The following SLIT3 variants were observed in gnomAD, a reference collection of about 807,000 sequenced individuals.
The protein encoded by SLIT3 is slit guidance ligand 3, also known as slit homolog 3 protein.
A neutral mutation model predicts 184.0 loss-of-function variants in SLIT3; 68 were observed. That is an observed-to-expected ratio of 0.37 (90% CI 0.30 to 0.45). The LOEUF is 0.45. Ranked by LOEUF, SLIT3 falls within the 20% of genes least tolerant of loss-of-function variation. The pLI is 1.00. For synonymous variants in SLIT3, 831 were observed against 828.6 expected, an observed-to-expected ratio of 1.00 and a Z score of -0.05; for missense variants, 1,707 against 2,026.0, an observed-to-expected ratio of 0.84 and a Z score of 3.02.
intron 27 of SLIT3, among the ~76,000 whole-genome samples, chr5:168,699,165 G>T (rs543336475): frequency 2.6e-5 from 4 of 152,356 alleles, no homozygotes; most frequent in African/African-American, 7.2e-5. Flanking sequence ...GGCAGGAAAA[G>T]GAACTCTGCC....
intron 4 of SLIT3, among the ~76,000 whole-genome samples, chr5:169,048,086 A>G (rs780482449): frequency 1.3e-5 from 2 of 152,128 alleles, no homozygotes; most frequent in Admixed American, 6.5e-5. Flanking sequence ...CCAAACCTCA[A>G]TTTCTTTCTT....
intron 11 of SLIT3, among the ~76,000 whole-genome samples, chr5:168,787,958 C>T (rs1310701953): frequency 2.0e-5 from 3 of 151,212 alleles, no homozygotes; most frequent in Non-Finnish European, 2.9e-5. Flanking sequence ...TAGGCATCTA[C>T]TGCATGAATG....
At chr5:169,086,030 T>C (rs1178818647) in intron 4 of SLIT3, among the ~76,000 whole-genome samples, 1 of 152,126 alleles carries the variant, frequency 6.6e-6, no homozygotes, top group Admixed American at 6.5e-5. Context: ...TCCCTACAGC[T>C]AGCCTCCTCA....
intron 4 of SLIT3, among the ~76,000 whole-genome samples, chr5:169,055,820 AC>A (rs913005265): frequency 1.4e-4 from 21 of 149,242 alleles, no homozygotes; most frequent in Admixed American, 1.2e-3. Context: ...ACAGAGTGAA[AC>A]TCTGTCTCGG....
intron 35 of SLIT3, chr5:168,667,460 A>T (rs1433258489): frequency 6.6e-6 from 1 of 152,380 alleles, no homozygotes; most frequent in Non-Finnish European, 1.5e-5. Context: ...TCTGAATAAG[A>T]AGCAGGTGTT....
Position 168,673,254 on chromosome 5 carries a change from T to C in SLIT3, c.3764A>G (p.Asp1255Gly). The change falls in exon 33 of 36, where the codon GAC (aspartate) becomes GGC (glycine). Residue 1255 changes from aspartate (D) to glycine (G), a missense_variant. By Grantham distance (94) the Asp-to-Gly change is moderately conservative. Coordinates refer to ENST00000519560, the MANE Select transcript of SLIT3 (RefSeq NM_003062.4). ...TLNQTLNLVVDKGTPKSLGKL... is the reference protein window; with the variant it reads ...TLNQTLNLVVGKGTPKSLGKL... The stretch of plus-strand genomic sequence containing the variant: ...CCCCAGGCTCTTTGGAGTTCCTTTG[T>C]CCACTACTAGGTTCAGGGTCTGGTT... The C allele has an allele frequency of 6.2e-7, 1 of 1,614,120 alleles. No homozygotes were observed. Among genetic ancestry groups the C allele is most frequent in the Non-Finnish European group, 8.5e-7 (1 of 1,180,034 alleles).
chr5:168,825,558 C>T (rs7733222), intron 6 of SLIT3, among the ~76,000 whole-genome samples: 102,536 of 152,096 alleles, frequency 0.67, 36,389 homozygotes, highest in African/African-American at 0.91. Context: ...ATTGCCTGCT[C>T]CTGCCTACTT....
chr5:168,957,416 G>A (rs1458245578), intron 4 of SLIT3, among the ~76,000 whole-genome samples: 3 of 152,068 alleles, frequency 2.0e-5, no homozygotes, highest in East Asian at 1.9e-4. Flanking sequence ...GAAAGGCTTC[G>A]TGTTTCTGTG....
intron 4 of SLIT3, among the ~76,000 whole-genome samples, chr5:169,172,230 A>C (rs1762841871): frequency 6.6e-6 from 1 of 152,216 alleles, no homozygotes; most frequent in South Asian, 2.1e-4. Flanking sequence ...TCTTTGGTTC[A>C]TTTTGATCAC....
chr5:168,844,841 C>A, intron 5 of SLIT3, 186 bp from the exon 6 acceptor site: 1 of 569,436 alleles, frequency 1.8e-6, no homozygotes, highest in South Asian at 2.1e-5. Context: ...TCTGAGAGAA[C>A]TACACAGACG....
intron 4 of SLIT3, among the ~76,000 whole-genome samples, chr5:169,093,959 T>C (rs764862088): frequency 2.0e-5 from 3 of 152,220 alleles, no homozygotes; most frequent in Non-Finnish European, 4.4e-5. Flanking sequence ...TAATGTTTGT[T>C]AAGAGTATAC....
chr5:168,807,593 T>A (rs190581936), intron 8 of SLIT3, among the ~76,000 whole-genome samples: 60 of 152,284 alleles, frequency 3.9e-4, no homozygotes, highest in African/African-American at 8.9e-4. Flanking sequence ...TATTTCAATG[T>A]CTTTCCAGAT....
At chr5:168,851,322 C>CAA (rs531233116) in intron 5 of SLIT3, among the ~76,000 whole-genome samples, 869 of 77,154 alleles carry the variant, frequency 0.011, 20 homozygotes, top group African/African-American at 0.039. Flanking sequence ...GACTCCGTCT[C>CAA]AAAAAAAAAA....
rs779204933 is a variant in SLIT3, at chr5:168,795,559, T to A, written c.955A>T (p.Ile319Phe). 6.8e-6 allele frequency: 11 copies of A among 1,613,914 alleles called. 1 individual carries two copies. The highest frequency in any genetic ancestry group is 2.2e-5 in the East Asian group (1 of 44,862). ...IVEIRLEQNS[I>F]KAIPAGAFTQ... is the part of the protein sequence containing the mutation. ...AAGGCTCCTGCAGGGATGGCTTTGA[T>A]GGAGTTCTGTTCTAGGCGTCTGGGA... Residue 319 changes from isoleucine (I) to phenylalanine (F), a missense_variant, in exon 10 of 36, where the codon ATC becomes TTC. Physicochemically the swap from Ile to Phe is conservative, Grantham distance 21 (BLOSUM62 0). Around this residue, in one of 3 missense-constraint regions of SLIT3, gnomAD observed 1,307 missense variants for 1,511.6 expected, o/e 0.86. Coordinates refer to ENST00000519560, the MANE Select transcript of SLIT3 (RefSeq NM_003062.4).
intron 4 of SLIT3, among the ~76,000 whole-genome samples, chr5:169,179,278 T>C (rs1763075567): frequency 8.4e-6 from 1 of 118,446 alleles, no homozygotes; most frequent in African/African-American, 4.6e-5. Flanking sequence ...TCCTTTTTCT[T>C]TTTTTTTTTT....
At chr5:169,074,344 A>AAGTC (rs764392599) in intron 4 of SLIT3, among the ~76,000 whole-genome samples, 4 of 152,068 alleles carry the variant, frequency 2.6e-5, no homozygotes, top group Non-Finnish European at 5.9e-5. Flanking sequence ...TAAATCAGCT[A>AAGTC]AGTCAGATTC....
chr5:169,218,231 CATT>C (rs1581067221), intron 3 of SLIT3, among the ~76,000 whole-genome samples: 1 of 152,320 alleles, frequency 6.6e-6, no homozygotes, highest in East Asian at 1.9e-4. Context: ...GCTTAATCAT[CATT>C]ATCTCAGGAA....
At chr5:169,024,826 A>G (rs1196347387) in intron 4 of SLIT3, 2 of 152,286 alleles carry the variant, frequency 1.3e-5, no homozygotes, top group Admixed American at 1.3e-4. Flanking sequence ...AGGCAGAAAG[A>G]GGAGACATTG....
At chr5:169,245,366 G>A (rs1000755626) in intron 2 of SLIT3, among the ~76,000 whole-genome samples, 2 of 152,218 alleles carry the variant, frequency 1.3e-5, no homozygotes, top group Admixed American at 1.3e-4. Flanking sequence ...CCTCCAAGCA[G>A]GTGATTACAA....
Sources: allele counts gnomAD v4.1 joint callset (sites outside exome capture counted in the v4.1 genomes callset), GRCh38; gene constraint gnomAD v4.1.1; regional missense constraint gnomAD v4.1.1; transcripts MANE v1.5; gene names NCBI Gene and HGNC (gene_info 2026-07-23, HGNC 2026-07-21).